The following TLN2 variants were observed in gnomAD, a reference collection of about 807,000 sequenced individuals.
The protein encoded by TLN2 is talin-2.
A neutral mutation model predicts 294.7 loss-of-function variants in TLN2; 118 were observed. The observed-to-expected ratio is 0.40, with a 90% CI of 0.34 to 0.47. The LOEUF is 0.47. TLN2 is among the 20% of genes least tolerant of loss of function. The pLI is 0.84. For missense variants in TLN2, 3,083 were observed against 3,282.2 expected (o/e 0.94, Z 1.48); for synonymous variants, 1,431 against 1,304.5 (o/e 1.10, Z -2.09).
intron 1 of TLN2, chr15:62,561,427 A>G (rs1407797283): frequency 6.6e-6 from 1 of 152,268 alleles, no homozygotes; most frequent in African/African-American, 2.4e-5. Flanking sequence ...TGAGGGCCCT[A>G]TGCGGAATAA....
At chr15:62,636,874 C>T (rs568544232) in intron 3 of TLN2, among the ~76,000 whole-genome samples, 3 of 152,316 alleles carry the variant, frequency 2.0e-5, no homozygotes, top group South Asian at 2.1e-4. Context: ...AAGGAGCTTG[C>T]GCACAGTTCT....
At chr15:62,736,455 T>A (rs1011043326) in intron 28 of TLN2, among the ~76,000 whole-genome samples, 1 of 152,202 alleles carries the variant, frequency 6.6e-6, no homozygotes, top group Non-Finnish European at 1.5e-5. Flanking sequence ...TTCACGGAGC[T>A]GCACATGTAG....
intron 45 of TLN2, among the ~76,000 whole-genome samples, chr15:62,790,197 C>G (rs908780421): frequency 6.6e-6 from 1 of 152,158 alleles, no homozygotes; most frequent in East Asian, 1.9e-4. Flanking sequence ...ATCTGTAAAA[C>G]TTTGATTCAC....
At chr15:62,762,971 A>G (rs1027243312) in intron 39 of TLN2, among the ~76,000 whole-genome samples, 5 of 152,216 alleles carry the variant, frequency 3.3e-5, no homozygotes, top group African/African-American at 1.2e-4. Context: ...GACATCCCCA[A>G]GTAGATATAA....
chr15:62,512,342 C>G (rs927989716), intron 1 of TLN2, among the ~76,000 whole-genome samples: 4 of 152,138 alleles, frequency 2.6e-5, no homozygotes, highest in Admixed American at 6.5e-5. Flanking sequence ...GTTCAGAAAT[C>G]TGCTCTCTCT....
chr15:62,404,625 G>C (rs1202547951), intron 1 of TLN2, among the ~76,000 whole-genome samples: 1 of 152,040 alleles, frequency 6.6e-6, no homozygotes, highest in Non-Finnish European at 1.5e-5. Context: ...TAATTACTTG[G>C]CACCGCACCT....
Position 62,752,334 on chromosome 15 carries a change from A to T in TLN2, c.4239A>T (p.Ser1413=). ...TGGGTGAATCGATGGCAGGGATTTC[A>T]CAGAATGCCAAGACCGGAGACCTCC... ...KVLGESMAGI[S]QNAKTGDLPA... The change falls in exon 35 of 59, where the codon TCA becomes TCT. Residue 1413 remains serine (S), a synonymous_variant. Coordinates refer to ENST00000636159, the MANE Select transcript of TLN2 (RefSeq NM_015059.3). 1.2e-6 allele frequency: 2 copies of T among 1,614,128 alleles called. No homozygotes were observed. The highest frequency in any genetic ancestry group is 1.7e-6 in the Non-Finnish European group (2 of 1,180,012).
At chr15:62,551,202 T>C (rs2042277823) in intron 1 of TLN2, among the ~76,000 whole-genome samples, 2 of 152,066 alleles carry the variant, frequency 1.3e-5, no homozygotes, top group Admixed American at 6.5e-5. Flanking sequence ...GGGGAGCAGT[T>C]GTAAATACAG....
chr15:62,740,514 A>G, intron 31 of TLN2, 116 bp from the exon 32 acceptor site: 1 of 1,399,012 alleles, frequency 7.1e-7, no homozygotes, highest in Non-Finnish European at 9.7e-7. Flanking sequence ...AACTGGGTTT[A>G]ATGTGATCTA....
chr15:62,516,194 T>C (rs1026756585), intron 1 of TLN2, among the ~76,000 whole-genome samples: 8 of 152,204 alleles, frequency 5.3e-5, no homozygotes, highest in Non-Finnish European at 1.0e-4. Context: ...TATGAAATTA[T>C]TATTTATAGT....
At chr15:62,711,462 A>G (rs1263598067) in intron 21 of TLN2, among the ~76,000 whole-genome samples, 4 of 152,236 alleles carry the variant, frequency 2.6e-5, no homozygotes, top group African/African-American at 9.6e-5. Context: ...ATCTGGTGCT[A>G]GGTAACCTAC....
chr15:62,515,897 T>C (rs1462377363), intron 1 of TLN2, among the ~76,000 whole-genome samples: 3 of 152,228 alleles, frequency 2.0e-5, no homozygotes, highest in Non-Finnish European at 4.4e-5. Flanking sequence ...CCATAGCAGC[T>C]GTGGTTGCTG....
At chr15:62,423,519 C>T (rs2034534162) in intron 1 of TLN2, among the ~76,000 whole-genome samples, 1 of 152,134 alleles carries the variant, frequency 6.6e-6, no homozygotes, top group South Asian at 2.1e-4. Context: ...CACCCGAAAC[C>T]ACACATCTTT....
chr15:62,795,936 C>T (rs1268214876), intron 46 of TLN2, among the ~76,000 whole-genome samples, 191 bp from the exon 47 acceptor site: 1 of 152,216 alleles, frequency 6.6e-6, no homozygotes, highest in Non-Finnish European at 1.5e-5. Context: ...GGTAAAGCAG[C>T]TTTGCCTAAG....
intron 1 of TLN2, among the ~76,000 whole-genome samples, chr15:62,519,159 G>A (rs1251004103): frequency 6.6e-6 from 1 of 152,206 alleles, no homozygotes; most frequent in Non-Finnish European, 1.5e-5. Flanking sequence ...GGAGTCCACA[G>A]TATTGACCAC....
chr15:62,722,557 G>C (rs767970772), intron 26 of TLN2, 70 bp downstream of exon 26: 2 of 1,518,396 alleles, frequency 1.3e-6, no homozygotes, highest in African/African-American at 1.4e-5. Flanking sequence ...ACCACCCAGG[G>C]CCTGAACACT....
At chr15:62,574,827 A>C (rs60246792) in intron 1 of TLN2, among the ~76,000 whole-genome samples, 3,932 of 152,144 alleles carry the variant, frequency 0.026, 178 homozygotes, top group African/African-American at 0.091. Flanking sequence ...TTAGTTGTAG[A>C]TATAAAAATA....
chr15:62,506,771 C>T (rs939175506), intron 1 of TLN2, among the ~76,000 whole-genome samples: 7 of 152,216 alleles, frequency 4.6e-5, no homozygotes, highest in East Asian at 1.9e-4. Flanking sequence ...CAGCTGATTC[C>T]ACTCTTGTTG....
intron 1 of TLN2, among the ~76,000 whole-genome samples, chr15:62,525,057 A>G (rs953972124): frequency 3.3e-5 from 5 of 152,094 alleles, no homozygotes; most frequent in Admixed American, 6.5e-5. Flanking sequence ...TCATTTCACA[A>G]CCTCCTTTTG....
Sources: allele counts gnomAD v4.1 joint callset (sites outside exome capture counted in the v4.1 genomes callset), GRCh38; gene constraint gnomAD v4.1.1; transcripts MANE v1.5; gene names NCBI Gene and HGNC (gene_info 2026-07-23, HGNC 2026-07-21).